CELF2: variants seen among roughly 807,000 people sequenced by gnomAD.
CELF2 encodes CUGBP Elav-like family member 2.
In CELF2, 8 loss-of-function variants were observed where a neutral mutation model predicts 62.6. That is an observed-to-expected ratio of 0.13 (90% confidence interval 0.07 to 0.23). The LOEUF is 0.23. Among genes scored for constraint, CELF2 ranks in the 10% least tolerant of loss-of-function variants. The pLI is 1.00. For missense variants in CELF2, 333 were observed against 671.0 expected (o/e 0.50, Z 5.56); for synonymous variants, 258 against 250.0 (o/e 1.03, Z -0.30).
chr10:10,652,897 C>T, the CELF2 span, among the ~76,000 whole-genome samples: 1 of 152,000 alleles, frequency 6.6e-6, no homozygotes, highest in African/African-American at 2.4e-5. Context: ...GGATTAAATT[C>T]TCCAATTAAA....
intron 1 of CELF2, among the ~76,000 whole-genome samples, chr10:10,908,106 T>A (rs1360209259): frequency 6.6e-6 from 1 of 151,746 alleles, no homozygotes; most frequent in Non-Finnish European, 1.5e-5. Flanking sequence ...AGAGGGGAGA[T>A]GTTCAGCTCT....
chr10:10,502,751 G>A, the CELF2 span, among the ~76,000 whole-genome samples: 1 of 151,558 alleles, frequency 6.6e-6, no homozygotes, highest in Non-Finnish European at 1.5e-5. Context: ...AATGATTTCT[G>A]CTCTTTATGA....
chr10:10,573,085 T>A, the CELF2 span, among the ~76,000 whole-genome samples: 14 of 152,232 alleles, frequency 9.2e-5, no homozygotes, highest in African/African-American at 3.1e-4. Flanking sequence ...GGTTTTGATT[T>A]GAATTTCTCT....
rs767301197 is a variant in CELF2, at chr10:10,990,448, A to G, written c.89+70449A>G. Among the ~76,000 whole-genome samples, 1 of 152,158 alleles carries G rather than the reference A, an allele frequency of 6.6e-6. No homozygotes were observed. Among genetic ancestry groups the G allele is most frequent in the Non-Finnish European group, 1.5e-5 (1 of 68,010 alleles). On this transcript the variant is annotated intron_variant, in intron 2 of 13. Transcript: ENST00000636488. The surrounding 1 kb of genome is among the most constrained non-coding windows in gnomAD (Gnocchi z 4.6). ...TTTATACTTATCTGTGTTTCTGAGC[A>G]TTATTATGAGCATGAATTGCTTTTG... is the stretch of plus-strand genomic sequence containing the variant.
intron 1 of CELF2, among the ~76,000 whole-genome samples, chr10:11,062,637 T>C (rs2067069712): frequency 6.6e-6 from 1 of 152,200 alleles, no homozygotes; most frequent in African/African-American, 2.4e-5. Flanking sequence ...ATGATCAAAC[T>C]TGAACAGATG....
intron 1 of CELF2, among the ~76,000 whole-genome samples, chr10:11,106,168 A>T (rs1043147736): frequency 2.0e-5 from 3 of 151,822 alleles, no homozygotes; most frequent in Non-Finnish European, 2.9e-5. Flanking sequence ...CCAAACCCAG[A>T]ACTTGGTCAT....
rs941263658 is a variant in CELF2 at position 11,246,109 on chromosome 10, C to T, written c.355-3044C>T. Among the ~76,000 whole-genome samples, 3 of 152,128 alleles carry T rather than the reference C, an allele frequency of 2.0e-5. No homozygotes were observed. Among genetic ancestry groups the T allele is most frequent in the Non-Finnish European group, 4.4e-5 (3 of 68,032 alleles). ...CCGAATTTCCACCTGCCATCATCCA[C>T]GCATTTCACAGATGCATCTGAATGC... On this transcript the variant is annotated intron_variant, in intron 3 of 12. Transcript: ENST00000633077. The surrounding 1 kb of genome is among the most constrained non-coding windows in gnomAD (Gnocchi z 4.6).
upstream of CELF2, among the ~76,000 whole-genome samples, chr10:10,794,354 GAGAAA>G (rs1417275329): frequency 6.6e-6 from 1 of 151,550 alleles, no homozygotes; most frequent in Non-Finnish European, 1.5e-5. Flanking sequence ...AAAATAAGAA[GAGAAA>G]AAAAACTAGG....
the CELF2 span, among the ~76,000 whole-genome samples, chr10:10,574,174 A>C: frequency 6.6e-6 from 1 of 152,188 alleles, no homozygotes; most frequent in African/African-American, 2.4e-5. Context: ...ATGGGAAATA[A>C]AGATTAGATG....
chr10:11,179,297 A>T lies in CELF2; in HGVS notation c.271+13615A>T, dbSNP rs554812960. The stretch of plus-strand genomic sequence containing the variant: ...CTGTACTGTTAAAAAAAAAAAATCA[A>T]AGCTCCACGCACACTTTGAAAATCT... On this transcript the variant is annotated intron_variant, in intron 2 of 12. Transcript: ENST00000633077. 3.3e-5 allele frequency among the ~76,000 whole-genome samples: 5 copies of T among 152,242 alleles called. No individual in the cohort carries two copies. In the East Asian group the frequency reaches 9.7e-4, roughly 29 times the overall value.
At chr10:10,700,928 C>T in the CELF2 span, among the ~76,000 whole-genome samples, 3,888 of 152,246 alleles carry the variant, frequency 0.026, 167 homozygotes, top group African/African-American at 0.089. Flanking sequence ...TGGAGGTGAC[C>T]TCTGACTCTC....
chr10:10,671,619 T>C, the CELF2 span, among the ~76,000 whole-genome samples: 3 of 152,218 alleles, frequency 2.0e-5, no homozygotes, highest in Non-Finnish European at 4.4e-5. Context: ...TTCTGGATTT[T>C]GGCCATTCTA....
the CELF2 span, among the ~76,000 whole-genome samples, chr10:10,705,453 C>A: frequency 6.6e-6 from 1 of 150,872 alleles, no homozygotes; most frequent in African/African-American, 2.4e-5. Flanking sequence ...TATTTAATTT[C>A]CTATTGTGGG....
Position 11,319,773 on chromosome 10 carries a change from A to G in CELF2, c.1097-1416A>G, listed in dbSNP as rs1416431682. On this transcript the variant is annotated intron_variant, in intron 10 of 12. Transcript: ENST00000633077. This position sits in a 1 kb window ranked among gnomAD's most constrained non-coding sequence, Gnocchi z 4.4. ...AATGACAGTCCTCCACTGTTAAGCT[A>G]TAGCCTAATTCATATCTTACATGTG... is the stretch of plus-strand genomic sequence containing the variant. The G allele has an allele frequency of 6.4e-6, 3 of 471,032 alleles. No individual in the cohort carries two copies. Among genetic ancestry groups the G allele is most frequent in the East Asian group, 7.0e-5 (1 of 14,388 alleles). The allele number at this position is 471,032 out of a possible 1,614,324, so 29.2% of individuals were successfully genotyped here. A position where few individuals can be genotyped will look rare whatever the true frequency, so the allele number is the denominator to read the frequency against.
the CELF2 span, among the ~76,000 whole-genome samples, chr10:10,522,257 T>C: frequency 6.6e-6 from 1 of 152,200 alleles, no homozygotes; most frequent in Admixed American, 6.5e-5. Context: ...TAGCAGCCAA[T>C]TGACCTTCCT....
At chr10:11,137,437 T>C (rs1236303034) in intron 1 of CELF2, among the ~76,000 whole-genome samples, 3 of 152,176 alleles carry the variant, frequency 2.0e-5, no homozygotes, top group Admixed American at 2.0e-4. Context: ...GGTAAGAGCT[T>C]TGGTTTTAGA....
At chr10:10,662,417 T>G in the CELF2 span, among the ~76,000 whole-genome samples, 1 of 152,170 alleles carries the variant, frequency 6.6e-6, no homozygotes, top group Admixed American at 6.5e-5. Flanking sequence ...ATTGAACGTC[T>G]GCCTGGTGAC....
chr10:11,174,470 T>TC (rs1289689345), intron 2 of CELF2, among the ~76,000 whole-genome samples: 26 of 152,212 alleles, frequency 1.7e-4, no homozygotes, highest in Non-Finnish European at 3.7e-4. Context: ...GTATCCACAT[T>TC]CAGGTATTAA....
rs1261342447 is a variant in CELF2, at chr10:11,334,946, A to G, written c.*5893A>G. 6.6e-6 allele frequency: 1 copy of G among 152,240 alleles called. No homozygotes were observed. The highest frequency in any genetic ancestry group is 1.9e-4 in the East Asian group (1 of 5,200). The allele number at this position is 152,240 out of a possible 1,614,324, so 9.4% of individuals were successfully genotyped here. Reference sequence around the variant, plus strand: ...GTCATTTAAATTATTTATTTCTACAAGCTAATTGAATCCAGGAGCAGCTTT... The same window carrying G: ...GTCATTTAAATTATTTATTTCTACAGGCTAATTGAATCCAGGAGCAGCTTT... On this transcript the variant is annotated 3_prime_UTR_variant, in exon 13 of 13. Transcript: ENST00000633077.
Sources: allele counts gnomAD v4.1 joint callset (sites outside exome capture counted in the v4.1 genomes callset), GRCh38; gene constraint gnomAD v4.1.1; non-coding constraint Gnocchi (gnomAD v3.1); transcripts MANE v1.5; gene names NCBI Gene and HGNC (gene_info 2026-07-23, HGNC 2026-07-21).